COL9A1: variants seen among roughly 807,000 people sequenced by gnomAD.
The protein encoded by COL9A1 is collagen alpha-1(IX) chain.
COL9A1 carries 104 observed loss-of-function variants against 142.6 expected under a neutral mutation model. The ratio of observed to expected loss-of-function variants is 0.73; its 90% CI spans 0.62 to 0.86. The LOEUF (loss-of-function observed/expected upper bound fraction) is 0.86. COL9A1 is among the 40% of genes least tolerant of loss of function. The pLI is 0.00. For synonymous variants in COL9A1, 466 were observed against 396.0 expected (o/e 1.18, Z -2.10); for missense variants, 1,210 against 1,176.6 (o/e 1.03, Z -0.42).
At chr6:70,290,348 T>C (rs1435789684) in intron 5 of COL9A1, among the ~76,000 whole-genome samples, 1 of 152,114 alleles carries the variant, frequency 6.6e-6, no homozygotes, top group Non-Finnish European at 1.5e-5. Flanking sequence ...AATGGCACCA[T>C]CCTAAAATAT....
intron 28 of COL9A1, among the ~76,000 whole-genome samples, chr6:70,243,366 G>GA (rs1223294603): frequency 2.0e-5 from 3 of 152,108 alleles, no homozygotes; most frequent in Non-Finnish European, 4.4e-5. Flanking sequence ...TTTATTTTGT[G>GA]AACCTACTTC....
chr6:70,242,702 TCTC>T lies in COL9A1; in HGVS notation c.1883_1885del (p.Gly628del). ...GCCTGGGGATCCCACTGGTCCTAAT[TCTC>T]CTCTACTGCCCTGTAAAAACACAAA... is the stretch of plus-strand genomic sequence containing the variant. On this transcript the variant is annotated inframe_deletion, in exon 29 of 38. Coordinates refer to ENST00000357250, the MANE Select transcript of COL9A1 (RefSeq NM_001851.6). 3 of 1,614,174 alleles carry T rather than the reference TCTC, an allele frequency of 1.9e-6. No homozygotes were observed. The highest frequency in any genetic ancestry group is 1.1e-5 in the South Asian group (1 of 91,086).
chr6:70,217,826 G>A (rs1768622840), intron 37 of COL9A1, among the ~76,000 whole-genome samples: 1 of 152,160 alleles, frequency 6.6e-6, no homozygotes, highest in Non-Finnish European at 1.5e-5. Flanking sequence ...TCATCTACAA[G>A]ATGGGATAAT....
At position 70,271,917 on chromosome 6, in the gene COL9A1, G is replaced by A. The variant is rs771004888; in HGVS notation, c.1089+148C>T. 5.4e-6 allele frequency: 5 copies of A among 922,832 alleles called. No individual in the cohort carries two copies. In the East Asian group the frequency reaches 7.8e-5, roughly 14 times the overall value. The allele number at this position is 922,832 out of a possible 1,614,324, so 57.2% of individuals were successfully genotyped here. A position where few individuals can be genotyped will look rare whatever the true frequency, so the allele number is the denominator to read the frequency against. On this transcript the variant is annotated intron_variant, in intron 13 of 37. Coordinates refer to ENST00000357250, the MANE Select transcript of COL9A1 (RefSeq NM_001851.6). Reference sequence around the variant, plus strand: ...AAATATTTTGTTTAGCAGAATAAGGGTGTTATCCTTAGTAGCCACCTAAGA... The same window carrying A: ...AAATATTTTGTTTAGCAGAATAAGGATGTTATCCTTAGTAGCCACCTAAGA...
At chr6:70,279,668 A>AAAAAAAAC (rs1773002738) in intron 10 of COL9A1, 3 of 178,644 alleles carry the variant, frequency 1.7e-5, no homozygotes, top group Non-Finnish European at 3.4e-5. Flanking sequence ...AAAAAAAAAA[A>AAAAAAAAC]AACACATACA....
chr6:70,257,912 T>C (rs1381389315), intron 20 of COL9A1, among the ~76,000 whole-genome samples: 1 of 152,170 alleles, frequency 6.6e-6, no homozygotes, highest in Non-Finnish European at 1.5e-5. Context: ...GAAGAATGAA[T>C]TACTGGAAGG....
intron 17 of COL9A1, among the ~76,000 whole-genome samples, chr6:70,268,436 A>C (rs1360395774): frequency 1.3e-5 from 2 of 152,086 alleles, no homozygotes; most frequent in African/African-American, 4.8e-5. Context: ...GTTGGTCTCA[A>C]ACTCCTGGGT....
At chr6:70,249,881 C>A (rs1770827985) in intron 28 of COL9A1, among the ~76,000 whole-genome samples, 1 of 152,164 alleles carries the variant, frequency 6.6e-6, no homozygotes, top group East Asian at 1.9e-4. Flanking sequence ...TACTCCATGT[C>A]ATGTTTTGTA....
chr6:70,225,274 A>C (rs1261365036), intron 37 of COL9A1, among the ~76,000 whole-genome samples: 1 of 152,140 alleles, frequency 6.6e-6, no homozygotes, highest in Non-Finnish European at 1.5e-5. Flanking sequence ...CTAAGGGATA[A>C]GTGTGTTCCA....
At chr6:70,254,305 T>A (rs1167893150) in intron 25 of COL9A1, among the ~76,000 whole-genome samples, 171 bp downstream of exon 25, 2 of 152,168 alleles carry the variant, frequency 1.3e-5, no homozygotes, top group Non-Finnish European at 2.9e-5. Flanking sequence ...AAATAGCTAT[T>A]CAGAGAAAAA....
intron 12 of COL9A1, among the ~76,000 whole-genome samples, chr6:70,272,972 T>C (rs1772505569): frequency 6.6e-6 from 1 of 152,198 alleles, no homozygotes; most frequent in Non-Finnish European, 1.5e-5. Context: ...ATGGTTTTTA[T>C]TCACAGCTGT....
At chr6:70,222,484 G>A (rs1291981230) in intron 37 of COL9A1, among the ~76,000 whole-genome samples, 2 of 152,166 alleles carry the variant, frequency 1.3e-5, no homozygotes, top group Non-Finnish European at 2.9e-5. Flanking sequence ...ACAAAGCACT[G>A]TAGCCAAAAT....
chr6:70,260,605 T>G, intron 20 of COL9A1, 52 bp downstream of exon 20: 1 of 1,544,134 alleles, frequency 6.5e-7, no homozygotes, highest in Non-Finnish European at 8.9e-7. Context: ...ACGGCCAAAA[T>G]TTTAAATATT....
At chr6:70,274,132 G>A in intron 11 of COL9A1, 50 bp from the exon 12 acceptor site, 2 of 1,422,932 alleles carry the variant, frequency 1.4e-6, no homozygotes, top group Non-Finnish European at 9.7e-7. Context: ...TCATGAATAT[G>A]TAAATGTGAA....
intron 12 of COL9A1, 71 bp downstream of exon 12, chr6:70,273,972 TAAAA>T: frequency 2.9e-6 from 2 of 699,226 alleles, no homozygotes; most frequent in Non-Finnish European, 4.2e-6. Flanking sequence ...AATAAATAAA[TAAAA>T]AGATTTCACA....
intron 5 of COL9A1, among the ~76,000 whole-genome samples, chr6:70,289,628 G>A (rs9455025): frequency 0.2 from 30,627 of 152,024 alleles, 3,768 homozygotes; most frequent in East Asian, 0.5. Flanking sequence ...ATTTCCTAAC[G>A]ATATGTATAG....
chr6:70,231,528 G>T (rs77054705), intron 36 of COL9A1, among the ~76,000 whole-genome samples: 12,468 of 151,918 alleles, frequency 0.082, 612 homozygotes, highest in African/African-American at 0.13. Flanking sequence ...GTCTCAGTTA[G>T]ACCCCATTTT....
intron 5 of COL9A1, among the ~76,000 whole-genome samples, chr6:70,293,551 A>G (rs141659642): frequency 1.1e-3 from 171 of 151,378 alleles, no homozygotes; most frequent in African/African-American, 4.0e-3. Context: ...ATTCTTGTTG[A>G]CCAGACATCA....
At chr6:70,293,630 TTCACACACACA>T (rs1773735027) in intron 5 of COL9A1, among the ~76,000 whole-genome samples, 9 of 74,216 alleles carry the variant, frequency 1.2e-4, no homozygotes, top group African/African-American at 4.2e-4. Context: ...CTCTCTCTCT[TTCACACACACA>T]CACACACACA....
Sources: allele counts gnomAD v4.1 joint callset (sites outside exome capture counted in the v4.1 genomes callset), GRCh38; gene constraint gnomAD v4.1.1; transcripts MANE v1.5; gene names NCBI Gene and HGNC (gene_info 2026-07-23, HGNC 2026-07-21).